The following DISC1 variants were observed in gnomAD, a reference collection of about 807,000 sequenced individuals.
DISC1 encodes disrupted in schizophrenia 1 protein.
DISC1 carries 57 observed loss-of-function variants against 84.5 expected under a neutral mutation model. The observed-to-expected ratio is 0.67, with a 90% CI of 0.55 to 0.84. DISC1 has a LOEUF of 0.84. DISC1 is among the 40% of genes least tolerant of loss of function. DISC1 has a pLI of 0.00. For missense variants in DISC1, 1,000 were observed against 1,057.8 expected (o/e 0.95, Z 0.76); for synonymous variants, 411 against 415.2 (o/e 0.99, Z 0.12).
At chr1:231,810,152 A>G (rs1346435022) in intron 8 of DISC1, among the ~76,000 whole-genome samples, 1 of 152,222 alleles carries the variant, frequency 6.6e-6, no homozygotes, top group Non-Finnish European at 1.5e-5. Context: ...AGGCATGGGC[A>G]CTGTGTTCTA....
At chr1:231,890,474 C>G (rs536521504) in intron 9 of DISC1, among the ~76,000 whole-genome samples, 2 of 152,158 alleles carry the variant, frequency 1.3e-5, no homozygotes, top group Non-Finnish European at 2.9e-5. Flanking sequence ...CTTGAAATTC[C>G]TTAAAAATGA....
intron 4 of DISC1, among the ~76,000 whole-genome samples, chr1:231,756,501 C>T (rs1481846460): frequency 6.9e-6 from 1 of 144,386 alleles, no homozygotes; most frequent in African/African-American, 2.7e-5. Flanking sequence ...GGTTCACAAA[C>T]GTATATGTGA....
intron 9 of DISC1, among the ~76,000 whole-genome samples, chr1:231,865,643 T>C (rs1274058538): frequency 2.0e-5 from 3 of 152,244 alleles, no homozygotes; most frequent in South Asian, 4.1e-4. Flanking sequence ...ACCTCTGTTA[T>C]ACTTTCTGTC....
intron 9 of DISC1, among the ~76,000 whole-genome samples, chr1:231,886,257 C>G (rs2086672884): frequency 6.6e-6 from 1 of 152,200 alleles, no homozygotes; most frequent in African/African-American, 2.4e-5. Context: ...TCCCCTATAG[C>G]AATGAGTAAT....
chr1:232,015,731 A>C (rs1668435420), intron 11 of DISC1, among the ~76,000 whole-genome samples: 1 of 152,084 alleles, frequency 6.6e-6, no homozygotes, highest in Non-Finnish European at 1.5e-5. Context: ...TCCTGTGTGA[A>C]ATTATCTTAC....
At chr1:231,732,962 G>A (rs111746051) in intron 3 of DISC1, among the ~76,000 whole-genome samples, 2 of 17,780 alleles carry the variant, frequency 1.1e-4, no homozygotes, top group Non-Finnish European at 2.2e-4. Flanking sequence ...TGGTAGTGGT[G>A]ATAGGAGTGG....
rs571937696 is a variant in DISC1 at position 231,889,742 on chromosome 1, C to CT, written c.1982-69077dup. Among the ~76,000 whole-genome samples the CT allele has an allele frequency of 8.3e-3, 1,251 of 151,470 alleles. 8 individuals are homozygous for CT. The highest frequency in any genetic ancestry group is 0.034 in the Middle Eastern group (10 of 294). On this transcript the variant is annotated intron_variant, in intron 9 of 12. Transcript: ENST00000439617. The stretch of plus-strand genomic sequence containing the variant: ...CTTCAGTCTACACAGTTCTCCCCCT[C>CT]TTTTTTTTTCATCTTCTCATCTACT...
At chr1:231,946,641 G>A (rs1195994828) in intron 9 of DISC1, among the ~76,000 whole-genome samples, 4 of 152,154 alleles carry the variant, frequency 2.6e-5, no homozygotes, top group Admixed American at 2.0e-4. Context: ...GAAATAAAAT[G>A]TATTCAAGTA....
intron 1 of DISC1, 118 bp from the exon 2 acceptor site, chr1:231,693,708 A>G (rs567976250): frequency 1.5e-5 from 23 of 1,503,318 alleles, no homozygotes; most frequent in South Asian, 9.2e-5. Flanking sequence ...GCCAGCATCT[A>G]TCTTTGACAG....
intron 8 of DISC1, among the ~76,000 whole-genome samples, chr1:231,817,596 T>C (rs1262725388): frequency 6.6e-6 from 1 of 152,228 alleles, no homozygotes; most frequent in Non-Finnish European, 1.5e-5. Context: ...ACTGTAGAGC[T>C]CTTGCACATA....
chr1:231,855,291 A>G (rs922290716), intron 9 of DISC1: 1 of 935,506 alleles, frequency 1.1e-6, no homozygotes, highest in Non-Finnish European at 1.3e-6. Context: ...TAACATATGT[A>G]TATTTCAAAA....
chr1:231,840,874 A>T (rs2083000860), intron 9 of DISC1, among the ~76,000 whole-genome samples: 1 of 152,160 alleles, frequency 6.6e-6, no homozygotes, highest in Non-Finnish European at 1.5e-5. Context: ...GTTACAGCCC[A>T]TAGAACTGTA....
intron 3 of DISC1, among the ~76,000 whole-genome samples, chr1:231,737,225 A>G (rs1558453399): frequency 6.6e-6 from 1 of 152,360 alleles, no homozygotes; most frequent in East Asian, 1.9e-4. Context: ...TAGAATTTAT[A>G]TTATCAATTG....
chr1:231,788,425 A>G lies in DISC1; in HGVS notation c.1635-6817A>G, dbSNP rs562080991. 5.9e-5 allele frequency among the ~76,000 whole-genome samples: 9 copies of G among 152,224 alleles called. No individual in the cohort carries two copies. In the South Asian group the frequency reaches 1.9e-3, roughly 32 times the overall value. The stretch of plus-strand genomic sequence containing the variant: ...TGTCTTTTTATATCATCTTCCCTCT[A>G]TGCATGTCCCCGAATCCACATTTCC... On this transcript the variant is annotated intron_variant, in intron 6 of 12. Coordinates refer to ENST00000439617, the MANE Select transcript of DISC1 (RefSeq NM_018662.3).
intron 1 of DISC1, among the ~76,000 whole-genome samples, chr1:231,669,854 A>G (rs926051057): frequency 6.6e-6 from 1 of 152,178 alleles, no homozygotes; most frequent in Admixed American, 6.5e-5. Flanking sequence ...CATTTGACCC[A>G]ACAATTCTAT....
At chr1:231,976,399 G>A (rs546216103) in intron 10 of DISC1, among the ~76,000 whole-genome samples, 22 of 152,310 alleles carry the variant, frequency 1.4e-4, no homozygotes, top group African/African-American at 4.6e-4. Context: ...AACAGTCACC[G>A]CTAATGTGTT....
chr1:232,007,207 C>CCGGA (rs566994047), intron 10 of DISC1, among the ~76,000 whole-genome samples: 3 of 152,242 alleles, frequency 2.0e-5, no homozygotes, highest in Non-Finnish European at 4.4e-5. Context: ...ACACTGAGTC[C>CCGGA]CCACTGGGGC....
intron 10 of DISC1, among the ~76,000 whole-genome samples, chr1:231,977,703 C>T (rs563724542): frequency 1.3e-5 from 2 of 152,322 alleles, no homozygotes; most frequent in South Asian, 4.1e-4. Context: ...CTACCACCCG[C>T]ACCCTAGCAC....
rs1001191142 is a variant in DISC1 at position 231,630,346 on chromosome 1, T to G, written c.67+3412T>G. On this transcript the variant is annotated intron_variant, in intron 1 of 12. Coordinates refer to ENST00000439617, the MANE Select transcript of DISC1 (RefSeq NM_018662.3). The surrounding 1 kb of genome is among the most constrained non-coding windows in gnomAD (Gnocchi z 4.4). ...CATTCTTTTTTTTTCTTTTTTTAAT[T>G]AAAAAAGATGGGGTCTCCTTATTTT... 1.3e-5 allele frequency among the ~76,000 whole-genome samples: 2 copies of G among 152,076 alleles called. No homozygotes were observed. The highest frequency in any genetic ancestry group is 2.4e-5 in the African/African-American group (1 of 41,414).
Sources: allele counts gnomAD v4.1 joint callset (sites outside exome capture counted in the v4.1 genomes callset), GRCh38; gene constraint gnomAD v4.1.1; non-coding constraint Gnocchi (gnomAD v3.1); transcripts MANE v1.5; gene names NCBI Gene and HGNC (gene_info 2026-07-23, HGNC 2026-07-21).